Variants in LARP1B observed in about 807,000 individuals in gnomAD.
The protein encoded by LARP1B is La ribonucleoprotein 1B, also known as la-related protein 1B.
Under a neutral mutation model 114.2 loss-of-function variants are expected in LARP1B, and 76 were observed. The ratio of observed to expected loss-of-function variants is 0.67; its 90% CI spans 0.55 to 0.81. LARP1B has a LOEUF of 0.81. Ranked by LOEUF, LARP1B falls within the 30% of genes least tolerant of loss-of-function variation. The probability of loss-of-function intolerance (pLI) is 0.00; values close to 1 mark genes in which losing one functional copy is unlikely to be tolerated. For missense variants in LARP1B, 1,014 were observed against 1,075.8 expected (o/e 0.94, Z 0.80); for synonymous variants, 345 against 348.0 (o/e 0.99, Z 0.10).
chr4:128,211,475 A>C lies in LARP1B; in HGVS notation c.*1422A>C. On this transcript the variant is annotated 3_prime_UTR_variant, in exon 20 of 20. Coordinates refer to ENST00000326639, the MANE Select transcript of LARP1B (RefSeq NM_018078.4). ...TTTCTCATGATAAGTAATAATCAGC[A>C]GTTTTATAATATTTACTATTTGGAG... The C allele has an allele frequency of 1.1e-6, 1 of 911,942 alleles. No homozygotes were observed. The highest frequency in any genetic ancestry group is 5.1e-5 in the South Asian group (1 of 19,686). 56.5% of individuals were successfully genotyped at this position (911,942 alleles called of 1,614,324 possible). A position where few individuals can be genotyped will look rare whatever the true frequency, so the allele number is the denominator to read the frequency against.
chr4:128,166,040 T>C (rs1361319619), intron 12 of LARP1B, among the ~76,000 whole-genome samples: 5 of 152,030 alleles, frequency 3.3e-5, no homozygotes, highest in Non-Finnish European at 7.4e-5. Flanking sequence ...CAGACCTCCA[T>C]CCTGTATTTC....
At chr4:128,095,645 A>G (rs1263697908) in intron 7 of LARP1B, among the ~76,000 whole-genome samples, 1 of 152,156 alleles carries the variant, frequency 6.6e-6, no homozygotes, top group African/African-American at 2.4e-5. Context: ...TTCTTAAAAT[A>G]AGTTGATTTA....
intron 11 of LARP1B, among the ~76,000 whole-genome samples, chr4:128,156,676 C>G (rs145947360): frequency 1.8e-4 from 27 of 152,070 alleles, no homozygotes; most frequent in African/African-American, 6.5e-4. Flanking sequence ...TTCTGCCGCC[C>G]CCTCCTGAAC....
At chr4:128,092,954 A>G in intron 7 of LARP1B, 1 of 985,368 alleles carries the variant, frequency 1.0e-6, no homozygotes, top group Non-Finnish European at 1.2e-6. Flanking sequence ...GTGTGCTCAT[A>G]CAAGTGAGGG....
chr4:128,097,668 T>C (rs925703627), intron 7 of LARP1B, among the ~76,000 whole-genome samples: 1 of 152,186 alleles, frequency 6.6e-6, no homozygotes, highest in Non-Finnish European at 1.5e-5. Flanking sequence ...GTATTAAACA[T>C]GGCAGTACTT....
rs560983961 is a variant in LARP1B at position 128,122,579 on chromosome 4, C to A, written c.1524+391C>A. 5.8e-5 allele frequency: 88 copies of A among 1,506,002 alleles called. 1 individual carries two copies. In the African/African-American group the frequency reaches 1.0e-3, roughly 18 times the overall value. 93.3% of individuals were successfully genotyped at this position (1,506,002 alleles called of 1,614,324 possible). A position where few individuals can be genotyped will look rare whatever the true frequency, so the allele number is the denominator to read the frequency against. On this transcript the variant is annotated intron_variant, in intron 11 of 19. Transcript: ENST00000326639. ...ATGCTCATTGCTTACCTGGCTCTCA[C>A]CGCAGCTGTATGAGCCAGTGGCTTT... is the stretch of plus-strand genomic sequence containing the variant.
chr4:128,196,611 C>G (rs1462090507), intron 15 of LARP1B, among the ~76,000 whole-genome samples: 1 of 148,592 alleles, frequency 6.7e-6, no homozygotes, highest in East Asian at 2.0e-4. Flanking sequence ...TTTTTTTTTT[C>G]GGACACGGAG....
intron 9 of LARP1B, among the ~76,000 whole-genome samples, chr4:128,111,275 T>C (rs1784019072): frequency 6.6e-6 from 1 of 152,114 alleles, no homozygotes; most frequent in Non-Finnish European, 1.5e-5. Flanking sequence ...CTCGAACTCC[T>C]GACTTCAGGT....
rs1174266918 is a variant in LARP1B, at chr4:128,112,466, ATTTTTTTTTT to A, written c.989-2088_989-2079del. 1.4e-4 allele frequency among the ~76,000 whole-genome samples: 10 copies of A among 69,322 alleles called. No individual in the cohort carries two copies. The East Asian group carries it at 1.5e-3, about 10-fold the overall frequency. The allele number at this position is 69,322 out of a possible 152,430, so 45.5% of individuals were successfully genotyped here. A position where few individuals can be genotyped will look rare whatever the true frequency, so the allele number is the denominator to read the frequency against. ...ACTGCATATAGCTAATGCTTACTCT[ATTTTTTTTTT>A]TTTTTTTTTTTTTTTGAGATGGAGT... On this transcript the variant is annotated intron_variant, in intron 9 of 19. Transcript: ENST00000326639.
In LARP1B at chr4:128,136,325, A is replaced by G. The variant is rs543889280; in HGVS notation, c.1524+14137A>G. ...AAATAACAGTCTCAAGAAAAACAAAAAAACAAAAAAACAAAACAAAAAACA... is the reference window on the plus strand; with the variant it reads ...AAATAACAGTCTCAAGAAAAACAAAGAAACAAAAAAACAAAACAAAAAACA... On this transcript the variant is annotated intron_variant, in intron 11 of 19. Coordinates refer to ENST00000326639, the MANE Select transcript of LARP1B (RefSeq NM_018078.4). 3.3e-5 allele frequency among the ~76,000 whole-genome samples: 5 copies of G among 151,918 alleles called. No homozygotes were observed. The East Asian group carries it at 7.7e-4, about 23-fold the overall frequency.
intron 1 of LARP1B, among the ~76,000 whole-genome samples, chr4:128,067,785 T>C (rs1007094732): frequency 4.0e-5 from 6 of 151,604 alleles, no homozygotes; most frequent in Non-Finnish European, 5.9e-5. Context: ...AGCAATCTCA[T>C]TGCAACCTCC....
At chr4:128,152,348 C>T (rs533474973) in intron 11 of LARP1B, among the ~76,000 whole-genome samples, 23 of 151,376 alleles carry the variant, frequency 1.5e-4, no homozygotes, top group Non-Finnish European at 2.9e-4. Context: ...GGACTACAGG[C>T]GCATACCACC....
intron 10 of LARP1B, among the ~76,000 whole-genome samples, chr4:128,119,362 C>T (rs1051502491): frequency 5.3e-5 from 8 of 152,108 alleles, no homozygotes; most frequent in African/African-American, 1.9e-4. Context: ...TCTTTTCCTC[C>T]CCCCAGCTCT....
chr4:128,189,485 A>G (rs993386580), intron 15 of LARP1B, among the ~76,000 whole-genome samples: 1 of 151,650 alleles, frequency 6.6e-6, no homozygotes, highest in Non-Finnish European at 1.5e-5. Context: ...AGCCATGCTT[A>G]TATCTTTTGG....
At chr4:128,138,527 A>G (rs549441679) in intron 11 of LARP1B, among the ~76,000 whole-genome samples, 3 of 152,350 alleles carry the variant, frequency 2.0e-5, no homozygotes, top group South Asian at 4.1e-4. Context: ...AGAGCTAATA[A>G]TAAGTCAAAT....
At chr4:128,183,832 A>G (rs1011248204) in intron 15 of LARP1B, among the ~76,000 whole-genome samples, 36 of 152,200 alleles carry the variant, frequency 2.4e-4, no homozygotes, top group African/African-American at 8.2e-4. Flanking sequence ...CAAAATATCA[A>G]CATTAACAGG....
chr4:128,063,266 G>T (rs1579583510), intron 1 of LARP1B, among the ~76,000 whole-genome samples: 1 of 149,742 alleles, frequency 6.7e-6, no homozygotes, highest in East Asian at 2.0e-4. Context: ...GTCTCTACTA[G>T]AAATACGATC....
intron 12 of LARP1B, among the ~76,000 whole-genome samples, chr4:128,174,685 A>G (rs1051990339): frequency 2.6e-5 from 4 of 152,088 alleles, no homozygotes; most frequent in African/African-American, 7.2e-5. Flanking sequence ...ACAATTGTTA[A>G]TAGTTTGACA....
intron 15 of LARP1B, among the ~76,000 whole-genome samples, chr4:128,182,188 A>T (rs1181145799): frequency 1.5e-5 from 2 of 133,818 alleles, no homozygotes; most frequent in African/African-American, 5.7e-5. Flanking sequence ...ATCATGGCCC[A>T]CTGCAACCGT....
Sources: gnomAD v4.1 joint callset for allele counts (sites outside exome capture counted in the v4.1 genomes callset) on GRCh38, gnomAD v4.1.1 for gene constraint, MANE v1.5 for transcripts, NCBI Gene and HGNC (gene_info 2026-07-23, HGNC 2026-07-21) for gene names.